C10orf90: variants seen among roughly 807,000 people sequenced by gnomAD.
The protein encoded by C10orf90 is chromosome 10 open reading frame 90, also known as (E2-independent) E3 ubiquitin-conjugating enzyme FATS.
In C10orf90, 56 loss-of-function variants were observed where a neutral mutation model predicts 62.5. That is an observed-to-expected ratio of 0.90 (90% CI 0.72 to 1.12). C10orf90 has a LOEUF of 1.12. Among genes scored for constraint, C10orf90 ranks in the 50% most tolerant of loss-of-function variants. C10orf90 has a pLI of 0.00. For synonymous variants in C10orf90, 386 were observed against 340.4 expected (o/e 1.13, Z -1.47); for missense variants, 970 against 880.4 (o/e 1.10, Z -1.29).
intron 2 of C10orf90, among the ~76,000 whole-genome samples, chr10:126,535,475 C>T (rs1864210791): frequency 6.6e-6 from 1 of 150,752 alleles, no homozygotes; most frequent in African/African-American, 2.4e-5. Flanking sequence ...TGAGATCACG[C>T]CACTGCACTC....
chr10:126,658,534 T>C (rs1191260142), intron 1 of C10orf90, among the ~76,000 whole-genome samples: 1 of 152,236 alleles, frequency 6.6e-6, no homozygotes. Context: ...TGAATCCACC[T>C]GTGAGTTAAA....
chr10:126,494,504 A>C (rs1389236142), intron 4 of C10orf90, among the ~76,000 whole-genome samples: 3 of 152,188 alleles, frequency 2.0e-5, no homozygotes, highest in African/African-American at 7.2e-5. Flanking sequence ...GAAAAAAGAA[A>C]GAATTTAGAT....
chr10:126,569,068 G>A (rs576525201), intron 2 of C10orf90, among the ~76,000 whole-genome samples: 2 of 152,294 alleles, frequency 1.3e-5, no homozygotes, highest in South Asian at 4.1e-4. Context: ...CAGCTGGCAG[G>A]AGGGTATGCA....
At chr10:126,546,791 C>T (rs1343146072) in intron 2 of C10orf90, among the ~76,000 whole-genome samples, 1 of 152,150 alleles carries the variant, frequency 6.6e-6, no homozygotes, top group Non-Finnish European at 1.5e-5. Context: ...TAATAAGATC[C>T]AGAGTTTTAT....
intron 1 of C10orf90, among the ~76,000 whole-genome samples, chr10:126,649,071 T>TCTCC (rs1455526825): frequency 2.0e-4 from 8 of 40,766 alleles, no homozygotes; most frequent in South Asian, 9.1e-4. Flanking sequence ...TCTCTCTCTC[T>TCTCC]CCCCCCCCCC....
chr10:126,501,966 A>G (rs540054606), intron 4 of C10orf90, among the ~76,000 whole-genome samples: 10 of 150,804 alleles, frequency 6.6e-5, no homozygotes, highest in African/African-American at 2.4e-4. Flanking sequence ...CACCACATAT[A>G]CACCACACAC....
At chr10:126,599,561 C>T (rs76871022) in intron 2 of C10orf90, among the ~76,000 whole-genome samples, 1,973 of 151,700 alleles carry the variant, frequency 0.013, 35 homozygotes, top group African/African-American at 0.044. Flanking sequence ...AAGACAGAGG[C>T]TGCATGGGGC....
chr10:126,641,442 A>T (rs1258169085), intron 2 of C10orf90, among the ~76,000 whole-genome samples: 1 of 152,092 alleles, frequency 6.6e-6, no homozygotes. Flanking sequence ...GGTTAAATCG[A>T]TCAGAAGGGA....
At chr10:126,528,309 A>C (rs1864003274) in intron 2 of C10orf90, among the ~76,000 whole-genome samples, 1 of 152,170 alleles carries the variant, frequency 6.6e-6, no homozygotes, top group Admixed American at 6.5e-5. Flanking sequence ...AAATACACTT[A>C]CTAATCTTGG....
At chr10:126,580,162 G>C (rs1398746636) in intron 2 of C10orf90, among the ~76,000 whole-genome samples, 1 of 152,152 alleles carries the variant, frequency 6.6e-6, no homozygotes, top group Non-Finnish European at 1.5e-5. Context: ...GGGGCATAGG[G>C]TCTGGTAAAG....
chr10:126,656,493 C>T (rs947975745), intron 1 of C10orf90, among the ~76,000 whole-genome samples: 2 of 152,192 alleles, frequency 1.3e-5, no homozygotes, highest in Non-Finnish European at 2.9e-5. Context: ...TCCAAGGTCA[C>T]CTGATCAAGG....
rs1207050003 is a variant in C10orf90, at chr10:126,453,234, T to G, written c.2188+5806A>C. Among the ~76,000 whole-genome samples, 6 of 152,200 alleles carry G rather than the reference T, an allele frequency of 3.9e-5. No homozygotes were observed. The East Asian group carries it at 9.6e-4, about 24-fold the overall frequency. On this transcript the variant is annotated intron_variant, in intron 7 of 9. Coordinates refer to ENST00000488181, the MANE Select transcript of C10orf90 (RefSeq NM_001350921.2). The surrounding 1 kb of genome is among the most constrained non-coding windows in gnomAD (Gnocchi z 4.9). ...GTGCGGATAATGCAATTTGGATGAA[T>G]TCAGTCTGCTGTGCTAGATGCAGCA...
At chr10:126,449,984 C>A (rs374471026) in intron 7 of C10orf90, among the ~76,000 whole-genome samples, 1 of 131,126 alleles carries the variant, frequency 7.6e-6, no homozygotes, top group Non-Finnish European at 1.6e-5. Context: ...GTGACAGAGA[C>A]GCCATCTCAA....
intron 2 of C10orf90, among the ~76,000 whole-genome samples, chr10:126,580,847 G>C (rs531560845): frequency 3.6e-4 from 54 of 152,100 alleles, no homozygotes; most frequent in African/African-American, 1.3e-3. Context: ...GTATGAGTGT[G>C]TGTCTGTGCA....
At chr10:126,585,896 G>C (rs774791921) in intron 2 of C10orf90, among the ~76,000 whole-genome samples, 2 of 152,090 alleles carry the variant, frequency 1.3e-5, no homozygotes, top group African/African-American at 2.4e-5. Context: ...AAGCGACCCT[G>C]GCCCCCGCCC....
At chr10:126,564,981 A>T (rs190435505) in intron 2 of C10orf90, among the ~76,000 whole-genome samples, 2,566 of 6,608 alleles carry the variant, frequency 0.39, 625 homozygotes, top group Non-Finnish European at 0.52. Context: ...TAATATATAA[A>T]ATATAAAATA....
intron 4 of C10orf90, among the ~76,000 whole-genome samples, chr10:126,498,549 C>T (rs760580587): frequency 6.6e-6 from 1 of 152,118 alleles, no homozygotes. Flanking sequence ...GAGCGGAAAA[C>T]GCAGACTGAA....
chr10:126,429,659 C>A, intron 8 of C10orf90, 128 bp downstream of exon 8: 5 of 701,510 alleles, frequency 7.1e-6, no homozygotes, highest in South Asian at 1.9e-5. Flanking sequence ...TTCAGATTTG[C>A]AGCCAAAAAG....
chr10:126,476,753 G>T (rs146929120), intron 4 of C10orf90, among the ~76,000 whole-genome samples: 28 of 152,244 alleles, frequency 1.8e-4, no homozygotes, highest in Admixed American at 3.9e-4. Flanking sequence ...CTGGTTTATG[G>T]CTTTGCCCCT....
Sources: gnomAD v4.1 joint callset for allele counts (sites outside exome capture counted in the v4.1 genomes callset) on GRCh38, gnomAD v4.1.1 for gene constraint, Gnocchi (gnomAD v3.1) non-coding constraint, MANE v1.5 for transcripts, NCBI Gene and HGNC (gene_info 2026-07-23, HGNC 2026-07-21) for gene names.